Variants in ADAMTS8 observed in about 807,000 individuals in gnomAD.
ADAMTS8 encodes the protein ADAM metallopeptidase with thrombospondin type 1 motif 8.
Under a neutral mutation model 64.4 loss-of-function variants are expected in ADAMTS8, and 50 were observed. That is an observed-to-expected ratio of 0.78 (90% CI 0.62 to 0.98). The LOEUF (loss-of-function observed/expected upper bound fraction) is 0.98, where lower values mean the gene tolerates loss of function less well. ADAMTS8 is among the 50% of genes least tolerant of loss of function. The pLI is 0.00. For missense variants in ADAMTS8, 1,192 were observed against 1,208.2 expected, an observed-to-expected ratio of 0.99 and a Z score of 0.20; for synonymous variants, 556 against 533.6, an observed-to-expected ratio of 1.04 and a Z score of -0.58.
At position 130,414,686 on chromosome 11, in the gene ADAMTS8, C is replaced by A; in HGVS notation, c.1411G>T (p.Val471Phe). Residue 471 changes from valine (V) to phenylalanine (F), a missense_variant, in exon 5 of 9, where the codon GTC (valine) becomes TTC (phenylalanine). Val to Phe is a conservative substitution (Grantham distance 50, BLOSUM62 -1). This residue lies in a region of ADAMTS8 where 741 missense variants were observed against 710.6 expected (regional missense o/e 1.04). Transcript: ENST00000257359. Reference sequence around the variant, plus strand: ...GTGTGGCACCAAAGCTGGGCGCAGACGTCCTGAGCAGAGGTGTTGGGGCAG... The same window carrying A: ...GTGTGGCACCAAAGCTGGGCGCAGAAGTCCTGAGCAGAGGTGTTGGGGCAG... ...RHCPNTSAQD[V>F]CAQLWCHTDG... 1 of 1,613,890 alleles carries A rather than the reference C, an allele frequency of 6.2e-7. No homozygotes were observed. The highest frequency in any genetic ancestry group is 8.5e-7 in the Non-Finnish European group (1 of 1,180,036).
intron 2 of ADAMTS8, among the ~76,000 whole-genome samples, chr11:130,417,929 C>T (rs145742503): frequency 6.1e-5 from 9 of 146,492 alleles, no homozygotes; most frequent in African/African-American, 2.0e-4. Context: ...TTTGAGAGGA[C>T]GAGGCAGGTA....
In ADAMTS8 at chr11:130,416,478, G is replaced by A; in HGVS notation, c.1097-148C>T. On this transcript the variant is annotated intron_variant, in intron 3 of 8. Transcript: ENST00000257359. The surrounding 1 kb of genome is among the most constrained non-coding windows in gnomAD (Gnocchi z 4.8). ...TGCGTAGGGCTTTCCCCTGCGCTTT[G>A]CTCTTCCAGGACGCGTTCTCAGATG... The A allele has an allele frequency of 1.1e-6, 1 of 903,380 alleles. No homozygotes were observed. The highest frequency in any genetic ancestry group is 1.6e-6 in the Non-Finnish European group (1 of 620,738). The allele number at this position is 903,380 out of a possible 1,614,324, so 56.0% of individuals were successfully genotyped here.
Position 130,428,566 on chromosome 11 carries a change from C to T in ADAMTS8, c.-280G>A, listed in dbSNP as rs1361576748. 5 of 522,244 alleles carry T rather than the reference C, an allele frequency of 9.6e-6. No homozygotes were observed. The highest frequency in any genetic ancestry group is 8.3e-5 in the African/African-American group (4 of 48,202). 32.4% of individuals were successfully genotyped at this position (522,244 alleles called of 1,614,324 possible). ...GTCCTCCGCCCCTGCCCGCGCCAGC[C>T]CCGCGCAGCCGCCTCCTGCCTCCTC... On this transcript the variant is annotated 5_prime_UTR_variant, in exon 1 of 9. Transcript: ENST00000257359.
chr11:130,427,720 C>G lies in ADAMTS8; in HGVS notation c.567G>C (p.Glu189Asp). ...RGDHQEDSEEESQEEEAEGAS... is the reference protein window; with the variant it reads ...RGDHQEDSEEDSQEEEAEGAS... The stretch of plus-strand genomic sequence containing the variant: ...CGCCTTCTGCCTCCTCTTCTTGGCT[C>G]TCCTCCTCGCTGTCCTCCTGGTGGT... The change falls in exon 1 of 9, where the codon GAG becomes GAC. Residue 189 changes from glutamate (E) to aspartate (D), a missense_variant. By Grantham distance (45) the Glu-to-Asp change is conservative (BLOSUM62 2). This residue lies in a region of ADAMTS8 where 741 missense variants were observed against 710.6 expected (regional missense o/e 1.04). Transcript: ENST00000257359. 1 of 1,595,036 alleles carries G rather than the reference C, an allele frequency of 6.3e-7. No individual in the cohort carries two copies. The highest frequency in any genetic ancestry group is 2.3e-5 in the East Asian group (1 of 43,584).
At chr11:130,423,404 T>A (rs1373216494) in intron 1 of ADAMTS8, among the ~76,000 whole-genome samples, 1 of 152,076 alleles carries the variant, frequency 6.6e-6, no homozygotes, top group Non-Finnish European at 1.5e-5. Flanking sequence ...GGGGGGGGCA[T>A]GAATCTGTTT....
rs1431745754 is a variant in ADAMTS8 at position 130,427,704 on chromosome 11, C to T, written c.583G>A (p.Ala195Thr). 1 of 1,595,804 alleles carries T rather than the reference C, an allele frequency of 6.3e-7. No homozygotes were observed. Among genetic ancestry groups the T allele is most frequent in the African/African-American group, 1.3e-5 (1 of 74,442 alleles). The change falls in exon 1 of 9, where the codon GCA becomes ACA. Residue 195 changes from alanine to threonine, a missense_variant. Around this residue, in one of 5 missense-constraint regions of ADAMTS8, gnomAD observed 741 missense variants for 710.6 expected, o/e 1.04. Transcript: ENST00000257359. ...GGTGGCGGCTCGCTAGCGCCTTCTG[C>T]CTCCTCTTCTTGGCTCTCCTCCTCG... is the stretch of plus-strand genomic sequence containing the variant. ...DSEEESQEEE[A>T]EGASEPPPPL...
In ADAMTS8 at chr11:130,405,970, A is replaced by G. The variant is rs778070990; in HGVS notation, c.2258T>C (p.Ile753Thr). Residue 753 changes from isoleucine to threonine, a missense_variant, in exon 9 of 9, where the codon ATA becomes ACA. Ile to Thr is a moderately conservative substitution (Grantham distance 89). Coordinates refer to ENST00000257359, the MANE Select transcript of ADAMTS8 (RefSeq NM_007037.6). ...CCCCTTCACCAAGATGTCCTGCTCT[A>G]TGGCAGAGATGGCCAGGTTGCCGTT... ...LLNGNLAISA[I>T]EQDILVKGTI... 6.8e-6 allele frequency: 11 copies of G among 1,614,214 alleles called. No individual in the cohort carries two copies. The highest frequency in any genetic ancestry group is 3.3e-4 in the Middle Eastern group (2 of 6,062).
intron 1 of ADAMTS8, among the ~76,000 whole-genome samples, chr11:130,425,289 C>T (rs1187326857): frequency 6.6e-6 from 1 of 152,106 alleles, no homozygotes; most frequent in African/African-American, 2.4e-5. Context: ...CCCGGGCATC[C>T]TGGGGTCGGG....
In ADAMTS8 at chr11:130,414,582, G is replaced by A. The variant is rs750585427; in HGVS notation, c.1515C>T (p.His505=). 28 of 1,612,132 alleles carry A rather than the reference G, an allele frequency of 1.7e-5. No individual in the cohort carries two copies. The highest frequency in any genetic ancestry group is 2.7e-5 in the African/African-American group (2 of 74,886). ...GTAGACAGCTGCCTTCTGAGCAGAG[G>A]TGCCCAGGCCCGCACGGCGTGCCGT... ...WADGTPCGPG[H]LCSEGSCLPE... Residue 505 remains histidine, a synonymous_variant, in exon 5 of 9, where the codon CAC becomes CAT. Transcript: ENST00000257359.
chr11:130,426,920 T>G (rs988137471), intron 1 of ADAMTS8, among the ~76,000 whole-genome samples: 16 of 152,282 alleles, frequency 1.1e-4, no homozygotes, highest in African/African-American at 3.9e-4. Flanking sequence ...CCTCTTGTGC[T>G]GGCTGCTGGC....
intron 2 of ADAMTS8, among the ~76,000 whole-genome samples, chr11:130,417,333 T>C (rs978969682): frequency 1.5e-4 from 23 of 152,256 alleles, no homozygotes; most frequent in African/African-American, 5.5e-4. Flanking sequence ...CTCAGCTCAC[T>C]GCATCCTCTG....
chr11:130,407,329 G>T (rs370653502), intron 8 of ADAMTS8, among the ~76,000 whole-genome samples: 1 of 152,146 alleles, frequency 6.6e-6, no homozygotes, highest in Non-Finnish European at 1.5e-5. Context: ...TCGTGCCACC[G>T]CACTCCAGCC....
chr11:130,413,935 C>T lies in ADAMTS8; in HGVS notation c.1566+596G>A, dbSNP rs528672162. ...CCCCGCTCACCAATCTGCACCTGCA[C>T]CAGCCCTGAGGCAGCCCCAAAGCAG... On this transcript the variant is annotated intron_variant, in intron 5 of 8. Transcript: ENST00000257359. 2.6e-5 allele frequency among the ~76,000 whole-genome samples: 4 copies of T among 152,318 alleles called. No homozygotes were observed. In the East Asian group the frequency reaches 7.7e-4, roughly 29 times the overall value.
At chr11:130,409,040 G>A in intron 6 of ADAMTS8, 100 bp from the exon 7 acceptor site, 1 of 1,405,852 alleles carries the variant, frequency 7.1e-7, no homozygotes, top group Middle Eastern at 2.2e-4. Context: ...TCTTTCTTTT[G>A]GTTTTGAACT....
chr11:130,416,864 G>A lies in ADAMTS8; in HGVS notation c.1096+76C>T, dbSNP rs1304419087. 17 of 1,602,208 alleles carry A rather than the reference G, an allele frequency of 1.1e-5. No homozygotes were observed. On this transcript the variant is annotated intron_variant, in intron 3 of 8. Coordinates refer to ENST00000257359, the MANE Select transcript of ADAMTS8 (RefSeq NM_007037.6). The surrounding 1 kb of genome is among the most constrained non-coding windows in gnomAD (Gnocchi z 4.8). ...TAAGCAAGGGCCGCATATTCCTTAG[G>A]ATCTACGCAACCTTGGATCTGGAAG...
chr11:130,422,750 C>G (rs571149449), intron 1 of ADAMTS8, among the ~76,000 whole-genome samples: 5 of 152,240 alleles, frequency 3.3e-5, no homozygotes, highest in African/African-American at 1.2e-4. Flanking sequence ...CAGCCTTCAC[C>G]ACTGAGCATG....
At chr11:130,421,932 G>C (rs1862104719) in intron 1 of ADAMTS8, among the ~76,000 whole-genome samples, 3 of 152,218 alleles carry the variant, frequency 2.0e-5, no homozygotes, top group South Asian at 4.1e-4. Flanking sequence ...ATGTGAACGG[G>C]GTCCTGGCCC....
At chr11:130,426,428 C>T (rs1243731118) in intron 1 of ADAMTS8, among the ~76,000 whole-genome samples, 1 of 152,218 alleles carries the variant, frequency 6.6e-6, no homozygotes, top group Non-Finnish European at 1.5e-5. Context: ...GCCAAGGATG[C>T]CATCACCACA....
Position 130,427,445 on chromosome 11 carries a change from GGAGGGCTTTTTTTT to G in ADAMTS8, c.720+108_720+121del. 3 of 1,079,904 alleles carry G rather than the reference GGAGGGCTTTTTTTT, an allele frequency of 2.8e-6. No individual in the cohort carries two copies. The East Asian group carries it at 7.9e-5, about 28-fold the overall frequency. The allele number at this position is 1,079,904 out of a possible 1,614,324, so 66.9% of individuals were successfully genotyped here. On this transcript the variant is annotated intron_variant, in intron 1 of 8. Coordinates refer to ENST00000257359, the MANE Select transcript of ADAMTS8 (RefSeq NM_007037.6). ...GGGTAAGGCTGGAGAAGATGAGTGG[GGAGGGCTTTTTTTT>G]TTTTTTTTTTTTTTTCTCAGAGGGA...
Sources: gnomAD v4.1 joint callset for allele counts (sites outside exome capture counted in the v4.1 genomes callset) on GRCh38, gnomAD v4.1.1 for gene constraint, gnomAD v4.1.1 regional missense constraint, Gnocchi (gnomAD v3.1) non-coding constraint, MANE v1.5 for transcripts, NCBI Gene and HGNC (gene_info 2026-07-23, HGNC 2026-07-21) for gene names.